The following SMPD3 variants were observed in gnomAD, a reference collection of about 807,000 sequenced individuals.
SMPD3 encodes the protein sphingomyelin phosphodiesterase 3, also known as nSMase-2.
SMPD3 carries 21 observed loss-of-function variants against 55.7 expected under a neutral mutation model. The observed-to-expected ratio is 0.38, with a 90% confidence interval of 0.27 to 0.54. The LOEUF is 0.54. SMPD3 is among the 20% of genes least tolerant of loss of function. The probability of loss-of-function intolerance (pLI) is 0.80; values close to 1 mark genes in which losing one functional copy is unlikely to be tolerated. For synonymous variants in SMPD3, 457 were observed against 404.3 expected (o/e 1.13, Z -1.56); for missense variants, 842 against 899.6 (o/e 0.94, Z 0.82).
Position 68,372,024 on chromosome 16 carries a change from C to T in SMPD3, c.158G>A (p.Cys53Tyr). ...YEKRQRADDPCCLQLLCTALF... is the reference protein window; with the variant it reads ...YEKRQRADDPYCLQLLCTALF... The stretch of plus-strand genomic sequence containing the variant: ...GGCAGTGCAGAGCAGCTGCAGGCAG[C>T]ACGGGTCGTCTGCCCGCTGGCGCTT... Residue 53 changes from cysteine (C) to tyrosine (Y), a missense_variant, in exon 3 of 9, where the codon TGC becomes TAC. Transcript: ENST00000219334. 6.2e-7 allele frequency: 1 copy of T among 1,611,174 alleles called. No homozygotes were observed. Among genetic ancestry groups the T allele is most frequent in the Non-Finnish European group, 8.5e-7 (1 of 1,179,082 alleles).
At chr16:68,382,541 AG>A (rs1245649189) in intron 2 of SMPD3, among the ~76,000 whole-genome samples, 2 of 152,158 alleles carry the variant, frequency 1.3e-5, no homozygotes, top group Admixed American at 1.3e-4. Flanking sequence ...GGTGTCCCCG[AG>A]GGAGGGTGTG....
intron 1 of SMPD3, among the ~76,000 whole-genome samples, chr16:68,420,204 A>G (rs1238520153): frequency 2.0e-5 from 3 of 152,062 alleles, no homozygotes; most frequent in African/African-American, 7.2e-5. Context: ...CAGCCTCCCA[A>G]AGTGCTGGGA....
In SMPD3 at chr16:68,371,740, G is replaced by C; in HGVS notation, c.442C>G (p.Gln148Glu). Residue 148 changes from glutamine to glutamate, a missense_variant, in exon 3 of 9, where the codon CAA becomes GAA. Coordinates refer to ENST00000219334, the MANE Select transcript of SMPD3 (RefSeq NM_018667.4). Reference protein sequence around the residue: ...LARVNNLFNTQARAKEIGQRI... With the variant: ...LARVNNLFNTEARAKEIGQRI... The stretch of plus-strand genomic sequence containing the variant: ...TGCCCGATCTCCTTGGCCCGCGCTT[G>C]GGTGTTAAAAAGGTTGTTGACCCTG... The C allele has an allele frequency of 6.2e-7, 1 of 1,610,002 alleles. No individual in the cohort carries two copies. The highest frequency in any genetic ancestry group is 8.5e-7 in the Non-Finnish European group (1 of 1,177,668).
chr16:68,443,339 A>G lies in SMPD3; in HGVS notation c.-269+5014T>C, dbSNP rs1260138192. Among the ~76,000 whole-genome samples the G allele has an allele frequency of 9.2e-5, 14 of 152,348 alleles. No individual in the cohort carries two copies. In the East Asian group the frequency reaches 1.7e-3, roughly 19 times the overall value. ...ACAGTGAAAATTTTATTTAGGTGTT[A>G]GAGGCTTTGCTATGAAAATCTGAGA... On this transcript the variant is annotated intron_variant, in intron 1 of 8. Coordinates refer to ENST00000219334, the MANE Select transcript of SMPD3 (RefSeq NM_018667.4).
rs971688262 is a variant in SMPD3 at position 68,386,675 on chromosome 16, C to CAGTT, written c.-268-20_-268-17dup. 1 of 152,158 alleles carries CAGTT rather than the reference C, an allele frequency of 6.6e-6. No individual in the cohort carries two copies. The highest frequency in any genetic ancestry group is 2.4e-5 in the African/African-American group (1 of 41,406). 9.4% of individuals were successfully genotyped at this position (152,158 alleles called of 1,614,324 possible). A position where few individuals can be genotyped will look rare whatever the true frequency, so the allele number is the denominator to read the frequency against. On this transcript the variant is annotated splice_polypyrimidine_tract_variant and intron_variant, in intron 1 of 8. Coordinates refer to ENST00000219334, the MANE Select transcript of SMPD3 (RefSeq NM_018667.4). ...CACCGCAGACCTGAAAGGAGATGAG[C>CAGTT]AGTTCACAGGGGTGCCCGGAACAAT...
chr16:68,439,295 C>T (rs1202019990), intron 1 of SMPD3, among the ~76,000 whole-genome samples: 4 of 152,198 alleles, frequency 2.6e-5, no homozygotes, highest in African/African-American at 2.4e-5. Context: ...CTCCAGCCCC[C>T]GTTCCTTGGT....
chr16:68,378,441 C>T (rs1367289289), intron 2 of SMPD3, among the ~76,000 whole-genome samples: 1 of 152,180 alleles, frequency 6.6e-6, no homozygotes, highest in African/African-American at 2.4e-5. Flanking sequence ...GGTCTGGGGT[C>T]TGGCAAGAAC....
At chr16:68,392,386 C>G (rs1053999727) in intron 1 of SMPD3, among the ~76,000 whole-genome samples, 1 of 152,096 alleles carries the variant, frequency 6.6e-6, no homozygotes, top group Non-Finnish European at 1.5e-5. Context: ...TTAATGTAGG[C>G]TAGGTTAAGC....
intron 2 of SMPD3, among the ~76,000 whole-genome samples, chr16:68,385,972 T>A (rs2090046642): frequency 6.6e-6 from 1 of 152,234 alleles, no homozygotes; most frequent in African/African-American, 2.4e-5. Context: ...CCTGTAGTCC[T>A]AGCACATTGG....
chr16:68,395,638 C>G (rs1010934525), intron 1 of SMPD3, among the ~76,000 whole-genome samples: 1 of 152,090 alleles, frequency 6.6e-6, no homozygotes, highest in Non-Finnish European at 1.5e-5. Flanking sequence ...AGGGGTGACC[C>G]TGAGTGGCAG....
intron 1 of SMPD3, among the ~76,000 whole-genome samples, chr16:68,390,549 T>C (rs984623486): frequency 6.6e-6 from 1 of 152,218 alleles, no homozygotes; most frequent in Admixed American, 6.5e-5. Context: ...TAGTCCCAGC[T>C]ACTTGCGCTG....
intron 1 of SMPD3, among the ~76,000 whole-genome samples, chr16:68,412,187 T>C (rs1359355017): frequency 6.6e-6 from 1 of 152,040 alleles, no homozygotes; most frequent in African/African-American, 2.4e-5. Context: ...GGCATGAAGA[T>C]GATGAGGAAT....
chr16:68,399,464 C>T (rs975220272), intron 1 of SMPD3, among the ~76,000 whole-genome samples: 4 of 152,210 alleles, frequency 2.6e-5, no homozygotes, highest in African/African-American at 9.6e-5. Flanking sequence ...ACTCTGCTGT[C>T]CCCACGCCCC....
In SMPD3 at chr16:68,439,666, G is replaced by A. The variant is rs572792357; in HGVS notation, c.-269+8687C>T. Among the ~76,000 whole-genome samples, 7 of 152,230 alleles carry A rather than the reference G, an allele frequency of 4.6e-5. 1 individual carries two copies. The South Asian group carries it at 1.5e-3, about 32-fold the overall frequency. ...CTGAGTATTTTCTTTACAGTTCAAC[G>A]TGCTCTGTTAACATAAGCCTTCACT... On this transcript the variant is annotated intron_variant, in intron 1 of 8. Transcript: ENST00000219334.
intron 1 of SMPD3, among the ~76,000 whole-genome samples, chr16:68,448,012 A>G (rs1370954681): frequency 1.3e-5 from 2 of 151,978 alleles, no homozygotes; most frequent in East Asian, 1.9e-4. Flanking sequence ...TCATCCCACA[A>G]CACCTCATCC....
chr16:68,413,301 T>G (rs1229637223), intron 1 of SMPD3, among the ~76,000 whole-genome samples: 1 of 152,198 alleles, frequency 6.6e-6, no homozygotes, highest in Non-Finnish European at 1.5e-5. Flanking sequence ...TGCTCCAGGA[T>G]AAAGCTCCCC....
intron 1 of SMPD3, among the ~76,000 whole-genome samples, chr16:68,388,549 C>T (rs530718746): frequency 6.6e-6 from 1 of 152,304 alleles, no homozygotes; most frequent in African/African-American, 2.4e-5. Flanking sequence ...GCTCACCTCT[C>T]ATCCCTGAGT....
chr16:68,412,439 T>C (rs537184902), intron 1 of SMPD3, among the ~76,000 whole-genome samples: 1 of 152,268 alleles, frequency 6.6e-6, no homozygotes, highest in South Asian at 2.1e-4. Flanking sequence ...CAGCCACACC[T>C]ATCTCCCAAA....
intron 1 of SMPD3, among the ~76,000 whole-genome samples, chr16:68,405,280 G>T (rs1295908777): frequency 6.6e-6 from 1 of 152,080 alleles, no homozygotes; most frequent in Non-Finnish European, 1.5e-5. Context: ...GCCGGACGTG[G>T]TTGCTCACAC....
Sources: gnomAD v4.1 joint callset for allele counts (sites outside exome capture counted in the v4.1 genomes callset) on GRCh38, gnomAD v4.1.1 for gene constraint, MANE v1.5 for transcripts, NCBI Gene and HGNC (gene_info 2026-07-23, HGNC 2026-07-21) for gene names.